Variants in HEG1 observed in about 807,000 individuals in gnomAD.
HEG1 encodes protein HEG homolog 1.
HEG1 carries 56 observed loss-of-function variants against 125.6 expected under a neutral mutation model. The observed-to-expected ratio is 0.45, with a 90% CI of 0.36 to 0.56. The LOEUF (loss-of-function observed/expected upper bound fraction) is 0.56. HEG1 is among the 20% of genes least tolerant of loss of function. HEG1 has a pLI of 0.00. For missense variants in HEG1, 1,523 were observed against 1,670.0 expected, an observed-to-expected ratio of 0.91 and a Z score of 1.53; for synonymous variants, 644 against 668.5, an observed-to-expected ratio of 0.96 and a Z score of 0.57.
Position 124,970,727 on chromosome 3 carries a change from C to T in HEG1, c.4071G>A (p.Arg1357=). ...ACTGTCCGGGGAAAATGCAAGAATG[C>T]CGTGATCCTGGCAGTCCAGTGTAGG... The part of the protein sequence containing the change: ...YPAYTGLPGS[R]HSCIFPGQYN... Residue 1357 remains arginine (R), a synonymous_variant, in exon 17 of 17, where the codon CGG becomes CGA. Coordinates refer to ENST00000311127, the MANE Select transcript of HEG1 (RefSeq NM_020733.2). 1.2e-6 allele frequency: 2 copies of T among 1,609,458 alleles called. No individual in the cohort carries two copies. The highest frequency in any genetic ancestry group is 1.7e-6 in the Non-Finnish European group (2 of 1,177,912).
At chr3:125,029,800 G>A (rs1937472824) in intron 1 of HEG1, among the ~76,000 whole-genome samples, 1 of 152,198 alleles carries the variant, frequency 6.6e-6, no homozygotes, top group Non-Finnish European at 1.5e-5. Flanking sequence ...GCTGAGGCAG[G>A]AGAATCACTT....
rs1042014316 is a variant in HEG1 at position 124,968,816 on chromosome 3, CAGAG to C, written c.*1832_*1835del. On this transcript the variant is annotated 3_prime_UTR_variant, in exon 17 of 17. Transcript: ENST00000311127. ...GAGCCACAAAGGGCCATTGGTTCTA[CAGAG>C]AGAGAGGCCCAAGATTTCAAAAAGG... 1.3e-5 allele frequency: 2 copies of C among 152,190 alleles called. No homozygotes were observed. The highest frequency in any genetic ancestry group is 4.8e-5 in the African/African-American group (2 of 41,430). The allele number at this position is 152,190 out of a possible 1,614,324, so 9.4% of individuals were successfully genotyped here.
chr3:125,002,893 C>A (rs1463704709), intron 9 of HEG1, among the ~76,000 whole-genome samples: 1 of 152,172 alleles, frequency 6.6e-6, no homozygotes, highest in East Asian at 1.9e-4. Flanking sequence ...GGCAGAAAAT[C>A]CCTCTACAGC....
At chr3:125,032,837 T>A (rs1318674186) in intron 1 of HEG1, among the ~76,000 whole-genome samples, 3 of 152,092 alleles carry the variant, frequency 2.0e-5, no homozygotes, top group Non-Finnish European at 4.4e-5. Context: ...TCAGACAAGG[T>A]GAGACTCAGC....
chr3:124,980,229 C>T (rs1452331161), intron 14 of HEG1, among the ~76,000 whole-genome samples: 1 of 152,202 alleles, frequency 6.6e-6, no homozygotes, highest in Non-Finnish European at 1.5e-5. Flanking sequence ...GTCTTGTCCA[C>T]TCACTATTAT....
At chr3:125,024,392 T>C (rs1049707309) in intron 3 of HEG1, among the ~76,000 whole-genome samples, 1 of 152,214 alleles carries the variant, frequency 6.6e-6, no homozygotes. Context: ...AGTGCTCAAT[T>C]GTAGCCACTC....
intron 2 of HEG1, among the ~76,000 whole-genome samples, chr3:125,028,876 C>A (rs1459366785): frequency 1.3e-5 from 2 of 152,228 alleles, no homozygotes; most frequent in Non-Finnish European, 2.9e-5. Context: ...AAACCCAAGC[C>A]TGTCGCAGCT....
chr3:125,025,682 T>C (rs923059655), intron 3 of HEG1, among the ~76,000 whole-genome samples: 14 of 152,240 alleles, frequency 9.2e-5, no homozygotes, highest in African/African-American at 3.4e-4. Flanking sequence ...AAATATTAAA[T>C]GATCCTGACC....
intron 1 of HEG1, among the ~76,000 whole-genome samples, chr3:125,042,080 A>G (rs1937597920): frequency 6.6e-6 from 1 of 152,244 alleles, no homozygotes; most frequent in Non-Finnish European, 1.5e-5. Context: ...ATACTTAAAA[A>G]TGGTTAAAAT....
intron 14 of HEG1, among the ~76,000 whole-genome samples, chr3:124,988,646 C>T (rs774358548): frequency 7.9e-5 from 12 of 152,102 alleles, no homozygotes; most frequent in African/African-American, 2.2e-4. Context: ...CGGCCGGGCA[C>T]GGTGGCTCAC....
At chr3:125,014,855 G>A in intron 5 of HEG1, 1 of 1,289,900 alleles carries the variant, frequency 7.8e-7, no homozygotes, top group Non-Finnish European at 1.0e-6. Context: ...TGCTCATGCT[G>A]GTGTTGGTGA....
At chr3:124,998,499 T>C (rs2107694814) in intron 11 of HEG1, among the ~76,000 whole-genome samples, 1 of 152,318 alleles carries the variant, frequency 6.6e-6, no homozygotes, top group Non-Finnish European at 1.5e-5. Flanking sequence ...CTTCTTCATC[T>C]CTGGGTCTTC....
intron 1 of HEG1, among the ~76,000 whole-genome samples, chr3:125,050,555 G>A (rs879546614): frequency 7.9e-5 from 12 of 152,126 alleles, no homozygotes; most frequent in East Asian, 5.8e-4. Context: ...TGGTCTCCAC[G>A]TCTGCATGCA....
intron 5 of HEG1, chr3:125,014,924 G>A (rs1373203615): frequency 1.6e-6 from 2 of 1,289,624 alleles, no homozygotes; most frequent in African/African-American, 1.5e-5. Flanking sequence ...AGGTGTGGGT[G>A]CCGAGAGAGG....
At chr3:125,047,864 C>A (rs1937700488) in intron 1 of HEG1, among the ~76,000 whole-genome samples, 1 of 152,158 alleles carries the variant, frequency 6.6e-6, no homozygotes, top group South Asian at 2.1e-4. Flanking sequence ...AACTGCAGGG[C>A]CACCTGAAGA....
intron 1 of HEG1, among the ~76,000 whole-genome samples, chr3:125,046,714 G>C (rs1423277772): frequency 6.6e-6 from 1 of 152,230 alleles, no homozygotes; most frequent in African/African-American, 2.4e-5. Flanking sequence ...AGATGCAGTA[G>C]ATAGAGATCC....
intron 16 of HEG1, 67 bp downstream of exon 16, chr3:124,973,664 A>G: frequency 2.3e-6 from 3 of 1,303,248 alleles, no homozygotes; most frequent in Non-Finnish European, 3.2e-6. Flanking sequence ...ACTACAACAA[A>G]ACAGAATTCC....
rs371723399 is a variant in HEG1 at position 125,027,506 on chromosome 3, G to A, written c.612C>T (p.Ala204=). ...TGGATGGCAGGTGAAGACTTTCTGA[G>A]GCTGAAAACAGACAAAAACAATTAG... ...TALTSQSGNL[A]SESLHLPSSS... Residue 204 remains alanine, a splice_region_variant and synonymous_variant, in exon 3 of 17, where the codon GCC becomes GCT. Coordinates refer to ENST00000311127, the MANE Select transcript of HEG1 (RefSeq NM_020733.2). 1.9e-6 allele frequency: 3 copies of A among 1,586,292 alleles called. No individual in the cohort carries two copies. In the African/African-American group the frequency reaches 4.1e-5, roughly 22 times the overall value.
intron 6 of HEG1, among the ~76,000 whole-genome samples, chr3:125,011,122 A>G (rs890618822): frequency 2.0e-5 from 3 of 152,206 alleles, no homozygotes; most frequent in African/African-American, 7.2e-5. Context: ...CAGCTATGTA[A>G]TATGCTTCAT....
Sources: gnomAD v4.1 joint callset for allele counts (sites outside exome capture counted in the v4.1 genomes callset) on GRCh38, gnomAD v4.1.1 for gene constraint, MANE v1.5 for transcripts, NCBI Gene and HGNC (gene_info 2026-07-23, HGNC 2026-07-21) for gene names.